The following GRHL2 variants were observed in gnomAD, a reference collection of about 807,000 sequenced individuals.
GRHL2 encodes the protein grainyhead like transcription factor 2, also known as grainyhead-like protein 2 homolog.
In GRHL2, 21 loss-of-function variants were observed where a neutral mutation model predicts 83.8. The observed-to-expected ratio is 0.25, with a 90% CI of 0.18 to 0.36. The LOEUF (loss-of-function observed/expected upper bound fraction) is 0.36. Ranked by LOEUF, GRHL2 falls within the 10% of genes least tolerant of loss-of-function variation. The pLI is 1.00. For missense variants in GRHL2, 623 were observed against 781.8 expected, an observed-to-expected ratio of 0.80 and a Z score of 2.42; for synonymous variants, 280 against 278.9, an observed-to-expected ratio of 1.00 and a Z score of -0.04.
chr8:101,503,630 T>C (rs188802562), intron 1 of GRHL2, among the ~76,000 whole-genome samples: 1 of 152,300 alleles, frequency 6.6e-6, no homozygotes, highest in Admixed American at 6.5e-5. Flanking sequence ...ACTAAAGATA[T>C]AAAGTGCCAC....
At chr8:101,662,055 C>A (rs775748874) in intron 14 of GRHL2, among the ~76,000 whole-genome samples, 1 of 152,212 alleles carries the variant, frequency 6.6e-6, no homozygotes, top group Non-Finnish European at 1.5e-5. Context: ...CCTATCCTTT[C>A]ATTTGCTCAA....
rs1563626800 is a variant in GRHL2 at position 101,652,367 on chromosome 8, GTGTCTGATGTGTGTGTGGTGT to G, written c.1698+2869_1698+2889del. Among the ~76,000 whole-genome samples the G allele has an allele frequency of 7.3e-4, 50 of 68,162 alleles. 8 individuals are homozygous for G. The highest frequency in any genetic ancestry group is 3.6e-3 in the African/African-American group (47 of 13,190). 44.7% of individuals were successfully genotyped at this position (68,162 alleles called of 152,430 possible). A position where few individuals can be genotyped will look rare whatever the true frequency, so the allele number is the denominator to read the frequency against. The stretch of plus-strand genomic sequence containing the variant: ...TGTGTGTGGTGTGTGTGGTGTGTGT[GTGTCTGATGTGTGTGTGGTGT>G]GTGTGTGTGTCTGGTGTGTGTGTGG... On this transcript the variant is annotated intron_variant, in intron 14 of 15. Transcript: ENST00000646743.
chr8:101,552,688 C>G, intron 2 of GRHL2, 27 bp from the exon 3 acceptor site: 2 of 1,612,170 alleles, frequency 1.2e-6, no homozygotes, highest in Non-Finnish European at 1.7e-6. Context: ...CTGTGTATGT[C>G]TGACTGATGG....
chr8:101,680,014 C>T, the GRHL2 span, among the ~76,000 whole-genome samples: 3 of 117,894 alleles, frequency 2.5e-5, no homozygotes, highest in East Asian at 2.4e-4. Context: ...GAAACTGCAT[C>T]AACTAACGAG....
intron 8 of GRHL2, among the ~76,000 whole-genome samples, chr8:101,607,838 G>A (rs914122547): frequency 3.3e-5 from 5 of 152,062 alleles, no homozygotes; most frequent in African/African-American, 1.2e-4. Context: ...ATAAGGTAAT[G>A]GATGTTAGGA....
intron 1 of GRHL2, among the ~76,000 whole-genome samples, chr8:101,511,353 A>C (rs976084332): frequency 1.3e-5 from 2 of 152,220 alleles, no homozygotes; most frequent in Non-Finnish European, 2.9e-5. Flanking sequence ...TTTATAATCC[A>C]ATCAATAATG....
chr8:101,578,656 AAG>A (rs1277125343), intron 7 of GRHL2, among the ~76,000 whole-genome samples: 3 of 152,218 alleles, frequency 2.0e-5, no homozygotes, highest in African/African-American at 7.2e-5. Context: ...TTTGCTGACT[AAG>A]ATGCTTCAGT....
chr8:101,561,813 A>C (rs1262606130), intron 4 of GRHL2, among the ~76,000 whole-genome samples: 1 of 152,250 alleles, frequency 6.6e-6, no homozygotes, highest in African/African-American at 2.4e-5. Flanking sequence ...TCTATCAGTA[A>C]AGATTTAACA....
At chr8:101,506,479 C>T (rs1810342147) in intron 1 of GRHL2, among the ~76,000 whole-genome samples, 1 of 152,170 alleles carries the variant, frequency 6.6e-6, no homozygotes, top group African/African-American at 2.4e-5. Flanking sequence ...TGCCATTCTG[C>T]ATTTTCCACT....
intron 1 of GRHL2, chr8:101,529,528 G>A (rs188985968): frequency 4.5e-6 from 1 of 220,424 alleles, no homozygotes; most frequent in Non-Finnish European, 9.2e-6. Context: ...CTTTAGTTCA[G>A]CAATCTTCCA....
chr8:101,630,227 G>A (rs1208585017), intron 9 of GRHL2, among the ~76,000 whole-genome samples: 1 of 152,122 alleles, frequency 6.6e-6, no homozygotes, highest in African/African-American at 2.4e-5. Flanking sequence ...TTCTCACTGT[G>A]TCATGGCGTC....
Position 101,504,070 on chromosome 8 carries a change from C to T in GRHL2, c.20+11281C>T, listed in dbSNP as rs552932847. On this transcript the variant is annotated intron_variant, in intron 1 of 15. Transcript: ENST00000646743. ...TATAAAAATAGTTATTAAGTGGAGACACTTAAGAATAATACACACTTCTCT... is the reference window on the plus strand; with the variant it reads ...TATAAAAATAGTTATTAAGTGGAGATACTTAAGAATAATACACACTTCTCT... Among the ~76,000 whole-genome samples the T allele has an allele frequency of 5.9e-5, 9 of 152,180 alleles. No individual in the cohort carries two copies. In the South Asian group the frequency reaches 1.2e-3, roughly 21 times the overall value.
intron 8 of GRHL2, among the ~76,000 whole-genome samples, chr8:101,601,713 G>A (rs1185753097): frequency 2.0e-5 from 3 of 152,078 alleles, no homozygotes; most frequent in African/African-American, 4.8e-5. Context: ...TTACTTGGTC[G>A]CAGCAATTGT....
chr8:101,510,585 A>G (rs1810441499), intron 1 of GRHL2, among the ~76,000 whole-genome samples: 2 of 152,200 alleles, frequency 1.3e-5, no homozygotes, highest in South Asian at 4.1e-4. Context: ...GAATTTCTAC[A>G]AGTAGAATTT....
At chr8:101,528,010 G>A (rs1200886275) in intron 1 of GRHL2, among the ~76,000 whole-genome samples, 1 of 152,052 alleles carries the variant, frequency 6.6e-6, no homozygotes, top group Non-Finnish European at 1.5e-5. Context: ...GAATAGAAGT[G>A]CCACTTTTTC....
At chr8:101,556,022 C>G (rs1019312245) in intron 3 of GRHL2, among the ~76,000 whole-genome samples, 1 of 152,114 alleles carries the variant, frequency 6.6e-6, no homozygotes, top group African/African-American at 2.4e-5. Context: ...ATGGCATGAT[C>G]TCAGCTCACT....
chr8:101,505,665 T>A (rs1052080260), intron 1 of GRHL2, among the ~76,000 whole-genome samples: 2 of 151,978 alleles, frequency 1.3e-5, no homozygotes, highest in Non-Finnish European at 2.9e-5. Context: ...TACAGTCTCC[T>A]TTTATCTTGT....
chr8:101,615,304 G>A (rs747493628), intron 8 of GRHL2, among the ~76,000 whole-genome samples: 2 of 152,152 alleles, frequency 1.3e-5, no homozygotes, highest in Admixed American at 6.5e-5. Context: ...CCATCACGTC[G>A]GCTCTTAGTT....
chr8:101,594,164 C>T (rs79052941), intron 7 of GRHL2, among the ~76,000 whole-genome samples: 22,497 of 148,944 alleles, frequency 0.15, 1,899 homozygotes, highest in African/African-American at 0.21. Flanking sequence ...AAGACAGAAG[C>T]GGAGATCGGA....
Sources: allele counts gnomAD v4.1 joint callset (sites outside exome capture counted in the v4.1 genomes callset), GRCh38; gene constraint gnomAD v4.1.1; transcripts MANE v1.5; gene names NCBI Gene and HGNC (gene_info 2026-07-23, HGNC 2026-07-21).